The following NALF1 variants were observed in gnomAD, a reference collection of about 807,000 sequenced individuals.
NALF1 encodes family with sequence similarity 155 member A.
In NALF1, 3 loss-of-function variants were observed where a neutral mutation model predicts 48.4. The ratio of observed to expected loss-of-function variants is 0.06; its 90% CI spans 0.03 to 0.16. The LOEUF (loss-of-function observed/expected upper bound fraction) is 0.16, where lower values mean the gene tolerates loss of function less well. Among genes scored for constraint, NALF1 ranks in the 10% least tolerant of loss-of-function variants. The pLI, the probability that NALF1 is intolerant of heterozygous loss-of-function variation, is 1.00. For synonymous variants in NALF1, 262 were observed against 245.7 expected (o/e 1.07, Z -0.62); for missense variants, 526 against 571.5 (o/e 0.92, Z 0.81).
intron 1 of NALF1, among the ~76,000 whole-genome samples, chr13:107,634,901 C>T (rs563124321): frequency 6.6e-6 from 1 of 152,048 alleles, no homozygotes; most frequent in Non-Finnish European, 1.5e-5. Context: ...TTAAGTAGAA[C>T]TGTTTTAGGA....
At chr13:107,532,967 A>T (rs538181065) in intron 1 of NALF1, among the ~76,000 whole-genome samples, 136 of 152,244 alleles carry the variant, frequency 8.9e-4, no homozygotes, top group African/African-American at 3.0e-3. Context: ...TTAACATATT[A>T]AAAATGATAT....
At position 107,866,719 on chromosome 13, in the gene NALF1, C is replaced by T. The variant is rs1304270378; in HGVS notation, c.-123G>A. ...CCCCTCCTCCCGTTTCTTCTCTCTC[C>T]TCTCTCTCTTTCTCTCTCTTCCCCT... On this transcript the variant is annotated 5_prime_UTR_variant, in exon 1 of 3. Coordinates refer to ENST00000375915, the MANE Select transcript of NALF1 (RefSeq NM_001080396.3). The surrounding 1 kb of genome is among the most constrained non-coding windows in gnomAD (Gnocchi z 4.4). The T allele has an allele frequency of 3.1e-6, 1 of 320,758 alleles. No homozygotes were observed. The highest frequency in any genetic ancestry group is 6.8e-6 in the Non-Finnish European group (1 of 147,874). 19.9% of individuals were successfully genotyped at this position (320,758 alleles called of 1,614,324 possible).
chr13:107,853,544 C>T (rs982399578), intron 1 of NALF1, among the ~76,000 whole-genome samples: 1 of 152,078 alleles, frequency 6.6e-6, no homozygotes, highest in African/African-American at 2.4e-5. Flanking sequence ...ATTGGGAACA[C>T]CAAAGATTAT....
rs144688456 is a variant in NALF1, at chr13:107,175,729, G to A, written c.1088-4943C>T. 5.3e-5 allele frequency among the ~76,000 whole-genome samples: 8 copies of A among 152,274 alleles called. No homozygotes were observed. The East Asian group carries it at 1.4e-3, about 26-fold the overall frequency. On this transcript the variant is annotated intron_variant, in intron 2 of 2. Coordinates refer to ENST00000375915, the MANE Select transcript of NALF1 (RefSeq NM_001080396.3). ...CAGTAGGTCACATAAGCAGATCAAT[G>A]ACACCCTTGGGACCTGGGGGCACAG...
intron 1 of NALF1, among the ~76,000 whole-genome samples, chr13:107,377,394 G>GACCT: frequency 6.6e-6 from 1 of 152,286 alleles, no homozygotes; most frequent in South Asian, 2.1e-4. Context: ...CTCAAGCAAG[G>GACCT]ACCTGCGTTA....
chr13:107,638,306 A>AT (rs1880047892), intron 1 of NALF1, among the ~76,000 whole-genome samples: 1 of 150,948 alleles, frequency 6.6e-6, no homozygotes, highest in Non-Finnish European at 1.5e-5. Context: ...GGAGTAGATT[A>AT]TTTTTTTGTT....
chr13:107,720,156 T>C (rs1479451165), intron 1 of NALF1, among the ~76,000 whole-genome samples: 2 of 152,230 alleles, frequency 1.3e-5, no homozygotes, highest in Non-Finnish European at 1.5e-5. Flanking sequence ...TCATTAAACA[T>C]GTACATGACT....
chr13:107,409,684 A>G (rs1214854150), intron 1 of NALF1, among the ~76,000 whole-genome samples: 1 of 152,186 alleles, frequency 6.6e-6, no homozygotes. Flanking sequence ...GACCAATCAA[A>G]TTGGTGTTAA....
chr13:107,264,820 T>C (rs1220280142), intron 1 of NALF1, among the ~76,000 whole-genome samples: 1 of 152,244 alleles, frequency 6.6e-6, no homozygotes, highest in East Asian at 1.9e-4. Flanking sequence ...TTTTAGACTT[T>C]GATGGACTTT....
intron 1 of NALF1, among the ~76,000 whole-genome samples, chr13:107,224,631 C>T (rs1380915836): frequency 2.0e-5 from 3 of 152,000 alleles, no homozygotes; most frequent in Non-Finnish European, 4.4e-5. Context: ...GTGCTGACTG[C>T]CATGGATCCT....
chr13:107,257,043 C>T (rs573716084), intron 1 of NALF1, among the ~76,000 whole-genome samples: 7 of 152,110 alleles, frequency 4.6e-5, no homozygotes, highest in Non-Finnish European at 7.4e-5. Flanking sequence ...CTTAAAATTA[C>T]GGCGGAAGGG....
At chr13:107,858,374 G>A (rs1309447056) in intron 1 of NALF1, among the ~76,000 whole-genome samples, 1 of 152,204 alleles carries the variant, frequency 6.6e-6, no homozygotes, top group Non-Finnish European at 1.5e-5. Context: ...CATTTACAGT[G>A]ATGAAGTGAC....
chr13:107,438,827 CAAAA>C (rs61686895), intron 1 of NALF1, among the ~76,000 whole-genome samples: 486 of 17,918 alleles, frequency 0.027, 5 homozygotes, highest in African/African-American at 0.083. Flanking sequence ...GACTCCATCT[CAAAA>C]AAAAAAAAAA....
At chr13:107,660,073 G>C (rs1880687375) in intron 1 of NALF1, among the ~76,000 whole-genome samples, 2 of 152,026 alleles carry the variant, frequency 1.3e-5, no homozygotes. Context: ...GTCTAATGAA[G>C]GCTTGAAGTA....
At chr13:107,284,129 A>AG (rs921438555) in intron 1 of NALF1, among the ~76,000 whole-genome samples, 1 of 152,200 alleles carries the variant, frequency 6.6e-6, no homozygotes, top group African/African-American at 2.4e-5. Context: ...GGAGAAAAGC[A>AG]GGTAAGCATT....
chr13:107,858,670 G>C (rs1880495227), intron 1 of NALF1, among the ~76,000 whole-genome samples: 1 of 152,220 alleles, frequency 6.6e-6, no homozygotes, highest in African/African-American at 2.4e-5. Context: ...CTGGGCAACA[G>C]AGTGAGACAC....
At chr13:107,232,166 C>T (rs1378412499) in intron 1 of NALF1, among the ~76,000 whole-genome samples, 1 of 152,166 alleles carries the variant, frequency 6.6e-6, no homozygotes. Context: ...ATTACGTAAG[C>T]GCTCTGAAAC....
intron 1 of NALF1, among the ~76,000 whole-genome samples, chr13:107,250,636 G>A (rs1177637260): frequency 2.0e-5 from 3 of 152,106 alleles, no homozygotes; most frequent in South Asian, 2.1e-4. Context: ...CATCAGTTTC[G>A]GCGCATTGGT....
intron 1 of NALF1, among the ~76,000 whole-genome samples, chr13:107,343,353 CAT>C (rs1882716249): frequency 6.6e-6 from 1 of 152,128 alleles, no homozygotes; most frequent in South Asian, 2.1e-4. Context: ...TGAATTTTCA[CAT>C]GTTGTGGGAG....
Sources: allele counts gnomAD v4.1 joint callset (sites outside exome capture counted in the v4.1 genomes callset), GRCh38; gene constraint gnomAD v4.1.1; non-coding constraint Gnocchi (gnomAD v3.1); transcripts MANE v1.5; gene names NCBI Gene and HGNC (gene_info 2026-07-23, HGNC 2026-07-21).